Variants in SHROOM3 observed in about 807,000 individuals in gnomAD.
The protein encoded by SHROOM3 is shroom family member 3, also known as protein Shroom3.
Under a neutral mutation model 138.6 loss-of-function variants are expected in SHROOM3, and 47 were observed. The observed-to-expected ratio is 0.34, with a 90% confidence interval of 0.27 to 0.43. The LOEUF (loss-of-function observed/expected upper bound fraction) is 0.43, where lower values mean the gene tolerates loss of function less well. SHROOM3 is among the 20% of genes least tolerant of loss of function. The probability of loss-of-function intolerance (pLI) is 1.00; values close to 1 mark genes in which losing one functional copy is unlikely to be tolerated. For synonymous variants in SHROOM3, 1,062 were observed against 1,063.3 expected (o/e 1.00, Z 0.02); for missense variants, 2,491 against 2,596.5 (o/e 0.96, Z 0.88).
chr4:76,618,475 A>G (rs1016990163), intron 2 of SHROOM3, among the ~76,000 whole-genome samples: 4 of 152,218 alleles, frequency 2.6e-5, no homozygotes, highest in African/African-American at 9.6e-5. Flanking sequence ...TTAAATCTTT[A>G]AACTTTTTAT....
Position 76,721,781 on chromosome 4 carries a change from A to G in SHROOM3, c.456-9023A>G, listed in dbSNP as rs143905003. The stretch of plus-strand genomic sequence containing the variant: ...TATGTTCATGTTTGCCTGTATTTGC[A>G]TAACAGAACACTGGAAAAGATACTT... On this transcript the variant is annotated intron_variant, in intron 3 of 10. Transcript: ENST00000296043. 7.2e-5 allele frequency among the ~76,000 whole-genome samples: 11 copies of G among 152,360 alleles called. No individual in the cohort carries two copies. The East Asian group carries it at 1.9e-3, about 27-fold the overall frequency.
chr4:76,589,922 G>T (rs1734230149), intron 2 of SHROOM3, among the ~76,000 whole-genome samples: 1 of 152,168 alleles, frequency 6.6e-6, no homozygotes, highest in Non-Finnish European at 1.5e-5. Flanking sequence ...GAGAGAAAAA[G>T]AATGAAATGG....
chr4:76,684,526 C>G (rs756470716), intron 2 of SHROOM3, among the ~76,000 whole-genome samples: 5 of 152,232 alleles, frequency 3.3e-5, no homozygotes, highest in Non-Finnish European at 7.3e-5. Context: ...GTGAATAACT[C>G]TCATCTACCT....
intron 8 of SHROOM3, among the ~76,000 whole-genome samples, chr4:76,757,575 G>A (rs344126): frequency 0.18 from 26,792 of 152,162 alleles, 2,922 homozygotes; most frequent in Middle Eastern, 0.3. Flanking sequence ...AAATAGATTC[G>A]TGTACTACAC....
At chr4:76,748,909 G>A in intron 5 of SHROOM3, 108 bp from the exon 6 acceptor site, 1 of 895,248 alleles carries the variant, frequency 1.1e-6, no homozygotes. Context: ...CCTGACAATA[G>A]TAGGTTGCCA....
chr4:76,539,558 G>A (rs1733055619), intron 1 of SHROOM3, among the ~76,000 whole-genome samples: 1 of 152,126 alleles, frequency 6.6e-6, no homozygotes, highest in African/African-American at 2.4e-5. Flanking sequence ...CATTTATTGG[G>A]CATTTATTAA....
At chr4:76,583,572 C>A (rs1277714975) in intron 2 of SHROOM3, among the ~76,000 whole-genome samples, 1 of 152,198 alleles carries the variant, frequency 6.6e-6, no homozygotes, top group Non-Finnish European at 1.5e-5. Flanking sequence ...CTGGTGAATG[C>A]AAAGCCTTTA....
chr4:76,688,332 C>A (rs1719400252), intron 2 of SHROOM3: 9 of 962,730 alleles, frequency 9.3e-6, no homozygotes, highest in Non-Finnish European at 1.1e-5. Flanking sequence ...TGCTAATGCT[C>A]CTGCATTCTG....
chr4:76,661,519 A>C (rs4859705), intron 2 of SHROOM3, among the ~76,000 whole-genome samples: 104,206 of 152,062 alleles, frequency 0.69, 37,000 homozygotes, highest in East Asian at 0.94. Flanking sequence ...CAGGCGTGAG[A>C]CACTGCGCCT....
At chr4:76,624,419 C>T (rs561699680) in intron 2 of SHROOM3, among the ~76,000 whole-genome samples, 4 of 152,240 alleles carry the variant, frequency 2.6e-5, no homozygotes, top group South Asian at 2.1e-4. Context: ...GCTTTGCTCC[C>T]GTGGTGACTT....
intron 2 of SHROOM3, among the ~76,000 whole-genome samples, chr4:76,693,049 A>G (rs1281311195): frequency 6.6e-6 from 1 of 152,238 alleles, no homozygotes; most frequent in Non-Finnish European, 1.5e-5. Flanking sequence ...TACATCCCAC[A>G]TCTGCCTCTA....
intron 3 of SHROOM3, 46 bp downstream of exon 3, chr4:76,710,333 A>T (rs779640331): frequency 2.0e-5 from 32 of 1,610,922 alleles, no homozygotes. Flanking sequence ...AAAAGAACCC[A>T]GTCCAAAAAG....
intron 1 of SHROOM3, among the ~76,000 whole-genome samples, chr4:76,446,172 C>T (rs1222975528): frequency 6.6e-6 from 1 of 152,148 alleles, no homozygotes; most frequent in Non-Finnish European, 1.5e-5. Flanking sequence ...AGAGACTGGA[C>T]TCTTGCTGAA....
intron 2 of SHROOM3, among the ~76,000 whole-genome samples, chr4:76,556,502 A>G (rs1259255914): frequency 6.6e-6 from 1 of 152,252 alleles, no homozygotes; most frequent in East Asian, 1.9e-4. Flanking sequence ...GAGGTAGCCA[A>G]GCTGATAAGT....
intron 2 of SHROOM3, among the ~76,000 whole-genome samples, chr4:76,583,998 T>G (rs943939792): frequency 3.9e-5 from 6 of 152,354 alleles, no homozygotes; most frequent in Admixed American, 3.3e-4. Context: ...CTTTTAACTT[T>G]TCCTTGTTTT....
At position 76,756,596 on chromosome 4, in the gene SHROOM3, C is replaced by T; in HGVS notation, c.4857C>T (p.Ser1619=). Reference sequence around the variant, plus strand: ...AGTCCACACCACCCTCCTTCATGAGCGTTCACGCCCAACTTGCTGGGTCTC... The same window carrying T: ...AGTCCACACCACCCTCCTTCATGAGTGTTCACGCCCAACTTGCTGGGTCTC... ...EAESTPPSFM[S]VHAQLAGSLG... is the part of the protein sequence containing the mutation. Residue 1619 remains serine (S), a synonymous_variant, in exon 8 of 11, where the codon AGC becomes AGT. Transcript: ENST00000296043. The T allele has an allele frequency of 1.2e-6, 2 of 1,613,734 alleles. No individual in the cohort carries two copies. Among genetic ancestry groups the T allele is most frequent in the Non-Finnish European group, 8.5e-7 (1 of 1,179,952 alleles).
At chr4:76,586,152 C>A in intron 2 of SHROOM3, 1 of 690,778 alleles carries the variant, frequency 1.4e-6, no homozygotes, top group African/African-American at 1.9e-5. Flanking sequence ...ATCAGCGGGC[C>A]AGCTCCTGTC....
chr4:76,651,077 C>T (rs942391472), intron 2 of SHROOM3, among the ~76,000 whole-genome samples: 14 of 151,352 alleles, frequency 9.2e-5, no homozygotes, highest in African/African-American at 2.7e-4. Context: ...ATTTAAAAAT[C>T]GAAACAATTG....
chr4:76,637,251 C>A (rs1735523639), intron 2 of SHROOM3, among the ~76,000 whole-genome samples: 1 of 152,124 alleles, frequency 6.6e-6, no homozygotes, highest in Admixed American at 6.5e-5. Context: ...TCTGTATGAG[C>A]CCACTGTATC....
Sources: allele counts gnomAD v4.1 joint callset (sites outside exome capture counted in the v4.1 genomes callset), GRCh38; gene constraint gnomAD v4.1.1; transcripts MANE v1.5; gene names NCBI Gene and HGNC (gene_info 2026-07-23, HGNC 2026-07-21).